The following TBCA variants were observed in gnomAD, a reference collection of about 807,000 sequenced individuals.
TBCA encodes tubulin-specific chaperone A.
TBCA carries 6 observed loss-of-function variants against 15.8 expected under a neutral mutation model. The observed-to-expected ratio is 0.38, with a 90% CI of 0.21 to 0.75. The LOEUF is 0.75. Among genes scored for constraint, TBCA ranks in the 30% least tolerant of loss-of-function variants. TBCA has a pLI of 0.46. For synonymous variants in TBCA, 32 were observed against 42.3 expected, an observed-to-expected ratio of 0.76 and a Z score of 0.94; for missense variants, 90 against 131.2, an observed-to-expected ratio of 0.69 and a Z score of 1.53.
At chr5:77,741,484 T>C (rs529846127) in intron 1 of TBCA, among the ~76,000 whole-genome samples, 86 of 152,220 alleles carry the variant, frequency 5.6e-4, no homozygotes, top group African/African-American at 1.9e-3. Flanking sequence ...TGATGGTGCG[T>C]GGGGCACATA....
chr5:77,701,719 A>C (rs1561263872), intron 2 of TBCA, among the ~76,000 whole-genome samples: 1 of 138,502 alleles, frequency 7.2e-6, no homozygotes, highest in East Asian at 2.1e-4. Context: ...ATATATATAT[A>C]TATATATGAT....
intron 1 of TBCA, among the ~76,000 whole-genome samples, chr5:77,762,825 T>C (rs1048176522): frequency 1.3e-5 from 2 of 152,176 alleles, no homozygotes; most frequent in Admixed American, 1.3e-4. Context: ...AACTCTGGGT[T>C]GTCTAAGGTA....
In TBCA at chr5:77,700,153, C is replaced by T. The variant is rs748952184; in HGVS notation, c.160-6801G>A. On this transcript the variant is annotated intron_variant, in intron 2 of 3. Coordinates refer to ENST00000380377, the MANE Select transcript of TBCA (RefSeq NM_004607.3). ...CCAGGAGGCAGAGGTTGCAGTGAGC[C>T]GCGATCTCCTCACTGCACTCCAGCC... Among the ~76,000 whole-genome samples the T allele has an allele frequency of 7.6e-4, 115 of 151,842 alleles. 2 individuals carry two copies. The highest frequency in any genetic ancestry group is 2.1e-4 in the South Asian group (1 of 4,802).
chr5:77,709,723 T>C (rs1344886283), intron 1 of TBCA, among the ~76,000 whole-genome samples: 1 of 152,130 alleles, frequency 6.6e-6, no homozygotes, highest in Non-Finnish European at 1.5e-5. Flanking sequence ...ACAGAAAACA[T>C]GTCTATGGAT....
At chr5:77,697,912 T>C (rs1745907985) in intron 2 of TBCA, among the ~76,000 whole-genome samples, 1 of 152,010 alleles carries the variant, frequency 6.6e-6, no homozygotes, top group Admixed American at 6.6e-5. Flanking sequence ...GGCAGATCGC[T>C]TGAGCCCAGG....
chr5:77,717,036 C>T (rs1406331834), intron 1 of TBCA, among the ~76,000 whole-genome samples: 1 of 152,178 alleles, frequency 6.6e-6, no homozygotes, highest in Non-Finnish European at 1.5e-5. Context: ...GACATTGTCA[C>T]CTGTGTGTGA....
chr5:77,764,642 G>A (rs1461952836), intron 1 of TBCA, among the ~76,000 whole-genome samples: 2 of 152,120 alleles, frequency 1.3e-5, no homozygotes, highest in African/African-American at 4.8e-5. Context: ...TTTTCCTAAA[G>A]GTATCTTTAA....
At chr5:77,692,788 G>GA in intron 3 of TBCA, 2 of 1,021,730 alleles carry the variant, frequency 2.0e-6, no homozygotes, top group Non-Finnish European at 2.3e-6. Flanking sequence ...TCAGCTCCAA[G>GA]TTAGTATGAG....
chr5:77,775,636 T>G (rs1039219018), intron 1 of TBCA, among the ~76,000 whole-genome samples: 4 of 152,180 alleles, frequency 2.6e-5, no homozygotes, highest in Non-Finnish European at 5.9e-5. Context: ...CTGGAGAAAG[T>G]GAGGCCACAT....
chr5:77,760,367 C>A (rs948034440), intron 1 of TBCA, among the ~76,000 whole-genome samples: 8 of 152,168 alleles, frequency 5.3e-5, no homozygotes, highest in Non-Finnish European at 8.8e-5. Context: ...TAATACTCTA[C>A]GGCCCTCCCT....
intron 1 of TBCA, among the ~76,000 whole-genome samples, chr5:77,772,773 T>C (rs1298257402): frequency 1.3e-5 from 2 of 152,238 alleles, no homozygotes; most frequent in African/African-American, 2.4e-5. Context: ...CAATTTGAGA[T>C]AATAGTAAAC....
Position 77,776,280 on chromosome 5 carries a change from G to A in TBCA, c.-23C>T, listed in dbSNP as rs777396161. 49 of 1,570,196 alleles carry A rather than the reference G, an allele frequency of 3.1e-5. No individual in the cohort carries two copies. Among genetic ancestry groups the A allele is most frequent in the Middle Eastern group, 4.5e-4 (2 of 4,412 alleles). ...CATGGTCCCTCGAGCGCCGCGAGAA[G>A]GAGGGGCGGAGAGCCGGGGTAACCG... is the stretch of plus-strand genomic sequence containing the variant. On this transcript the variant is annotated 5_prime_UTR_variant, in exon 1 of 4. Coordinates refer to ENST00000380377, the MANE Select transcript of TBCA (RefSeq NM_004607.3).
At chr5:77,752,511 A>T (rs1227993562) in intron 1 of TBCA, among the ~76,000 whole-genome samples, 1 of 151,928 alleles carries the variant, frequency 6.6e-6, no homozygotes, top group Non-Finnish European at 1.5e-5. Context: ...TTACAGGCAC[A>T]TGCCACCATG....
chr5:77,743,070 A>G (rs943683598), intron 1 of TBCA, among the ~76,000 whole-genome samples: 5 of 152,216 alleles, frequency 3.3e-5, no homozygotes. Flanking sequence ...AAAATTCTTA[A>G]TATGACTAAA....
chr5:77,739,153 G>A (rs1283644462), intron 1 of TBCA, among the ~76,000 whole-genome samples: 2 of 152,036 alleles, frequency 1.3e-5, no homozygotes, highest in Non-Finnish European at 2.9e-5. Flanking sequence ...TCTTACTCTG[G>A]GTTGGATCAA....
chr5:77,740,920 T>C (rs1015357986), intron 1 of TBCA, among the ~76,000 whole-genome samples: 1 of 152,194 alleles, frequency 6.6e-6, no homozygotes, highest in Non-Finnish European at 1.5e-5. Flanking sequence ...GATGGCTCAA[T>C]AAATTTTTGT....
At chr5:77,758,947 C>T (rs1369444820) in intron 1 of TBCA, among the ~76,000 whole-genome samples, 3 of 152,138 alleles carry the variant, frequency 2.0e-5, no homozygotes, top group Admixed American at 6.5e-5. Context: ...GTGTGACAAC[C>T]GGGGACCATC....
chr5:77,707,000 G>C (rs887695492), intron 2 of TBCA, among the ~76,000 whole-genome samples: 11 of 151,952 alleles, frequency 7.2e-5, no homozygotes, highest in Non-Finnish European at 1.3e-4. Context: ...ATTGTTTTTT[G>C]TTTGGGAGAG....
chr5:77,704,647 C>G (rs759338047), intron 2 of TBCA, among the ~76,000 whole-genome samples: 1 of 151,792 alleles, frequency 6.6e-6, no homozygotes, highest in Non-Finnish European at 1.5e-5. Flanking sequence ...CAGAGCAGTC[C>G]TTTTGGTTAT....
Sources: allele counts gnomAD v4.1 joint callset (sites outside exome capture counted in the v4.1 genomes callset), GRCh38; gene constraint gnomAD v4.1.1; transcripts MANE v1.5; gene names NCBI Gene and HGNC (gene_info 2026-07-23, HGNC 2026-07-21).